The following CORIN variants were observed in gnomAD, a reference collection of about 807,000 sequenced individuals.
CORIN encodes the protein atrial natriuretic peptide-converting enzyme.
CORIN carries 117 observed loss-of-function variants against 125.3 expected under a neutral mutation model. The observed-to-expected ratio is 0.93, with a 90% confidence interval of 0.80 to 1.09. The LOEUF (loss-of-function observed/expected upper bound fraction) is 1.09, where lower values mean the gene tolerates loss of function less well. Ranked by LOEUF, CORIN falls within the 50% of genes least tolerant of loss-of-function variation. CORIN has a pLI of 0.00. For missense variants in CORIN, 1,253 were observed against 1,306.7 expected, an observed-to-expected ratio of 0.96 and a Z score of 0.63; for synonymous variants, 450 against 466.4, an observed-to-expected ratio of 0.96 and a Z score of 0.45.
intron 6 of CORIN, 81 bp downstream of exon 6, chr4:47,692,889 C>T (rs1426448837): frequency 9.7e-7 from 1 of 1,027,434 alleles, no homozygotes; most frequent in Non-Finnish European, 1.5e-6. Context: ...AAACAAAAAG[C>T]AGTCTACACA....
At chr4:47,706,516 C>G in intron 5 of CORIN, 5 of 1,611,518 alleles carry the variant, frequency 3.1e-6, no homozygotes, top group South Asian at 1.1e-5. Context: ...TGATAAAGCG[C>G]GCCAACTGGG....
intron 10 of CORIN, among the ~76,000 whole-genome samples, chr4:47,669,860 C>T (rs1177552787): frequency 1.3e-5 from 2 of 152,166 alleles, no homozygotes; most frequent in South Asian, 2.1e-4. Flanking sequence ...TGAGCCACCG[C>T]ACCCGGCTTC....
intron 5 of CORIN, among the ~76,000 whole-genome samples, chr4:47,731,675 C>T (rs577693999): frequency 6.6e-6 from 1 of 152,176 alleles, no homozygotes; most frequent in East Asian, 1.9e-4. Flanking sequence ...TCGAGACTAG[C>T]CTGGCCAACA....
intron 5 of CORIN, among the ~76,000 whole-genome samples, chr4:47,714,304 C>G (rs1726990588): frequency 6.6e-6 from 1 of 152,008 alleles, no homozygotes; most frequent in Admixed American, 6.5e-5. Flanking sequence ...GTGATTAACA[C>G]AAACCGAAAA....
chr4:47,824,483 T>A (rs908944393), intron 1 of CORIN, among the ~76,000 whole-genome samples: 3 of 152,104 alleles, frequency 2.0e-5, no homozygotes, highest in African/African-American at 7.2e-5. Context: ...AAAGCTTTTC[T>A]TTCTTTCTTT....
intron 16 of CORIN, among the ~76,000 whole-genome samples, chr4:47,635,624 G>C (rs1351870790): frequency 6.6e-6 from 1 of 152,128 alleles, no homozygotes; most frequent in Non-Finnish European, 1.5e-5. Context: ...AGGAAGGCAG[G>C]GGCCAAATTA....
intron 9 of CORIN, 108 bp from the exon 10 acceptor site, chr4:47,674,608 A>T (rs945210116): frequency 1.4e-6 from 1 of 717,480 alleles, no homozygotes; most frequent in Non-Finnish European, 2.5e-6. Context: ...ACACAACTTT[A>T]ATTTCCTTCC....
chr4:47,762,899 C>A (rs1011090715), intron 4 of CORIN, among the ~76,000 whole-genome samples: 12 of 152,128 alleles, frequency 7.9e-5, no homozygotes, highest in Non-Finnish European at 1.8e-4. Context: ...TAGCACCTGG[C>A]CTGTCCAAGA....
At chr4:47,653,520 A>G (rs759820882) in intron 13 of CORIN, 33 bp downstream of exon 13, 45 of 1,513,114 alleles carry the variant, frequency 3.0e-5, no homozygotes, top group Non-Finnish European at 3.5e-5. Context: ...TTATCACTGT[A>G]CATTCAAGAA....
At chr4:47,608,463 G>C (rs1035384129) in intron 19 of CORIN, among the ~76,000 whole-genome samples, 1 of 152,244 alleles carries the variant, frequency 6.6e-6, no homozygotes, top group Non-Finnish European at 1.5e-5. Context: ...CACATCTGAA[G>C]TGCAAAGAAC....
At chr4:47,711,199 A>G (rs1456791310) in intron 5 of CORIN, among the ~76,000 whole-genome samples, 1 of 152,144 alleles carries the variant, frequency 6.6e-6, no homozygotes, top group Non-Finnish European at 1.5e-5. Flanking sequence ...CACACCCACC[A>G]AAGTCCATCC....
At chr4:47,776,421 C>A (rs969657341) in intron 3 of CORIN, among the ~76,000 whole-genome samples, 2 of 152,060 alleles carry the variant, frequency 1.3e-5, no homozygotes, top group Admixed American at 6.6e-5. Flanking sequence ...CACACCCAAC[C>A]AGGTCTCCAT....
chr4:47,615,044 T>C (rs563981872), intron 19 of CORIN, among the ~76,000 whole-genome samples: 2 of 152,236 alleles, frequency 1.3e-5, no homozygotes, highest in African/African-American at 4.8e-5. Context: ...ACTTGAACAA[T>C]GAAAAGGAAG....
chr4:47,829,375 G>A (rs1284358943), intron 1 of CORIN, among the ~76,000 whole-genome samples: 1 of 152,066 alleles, frequency 6.6e-6, no homozygotes, highest in Non-Finnish European at 1.5e-5. Flanking sequence ...GACCCTTCTG[G>A]ACCTTCTGGA....
chr4:47,816,772 C>T (rs1205075472), intron 1 of CORIN, among the ~76,000 whole-genome samples: 1 of 152,126 alleles, frequency 6.6e-6, no homozygotes, highest in Non-Finnish European at 1.5e-5. Context: ...GACTCTCTCA[C>T]ATATTGCAGG....
At chr4:47,669,408 CATT>C (rs112030941) in intron 10 of CORIN, among the ~76,000 whole-genome samples, 6,852 of 151,972 alleles carry the variant, frequency 0.045, 390 homozygotes, top group African/African-American at 0.13. Flanking sequence ...CCCTCTTTAA[CATT>C]ATTATTTTTA....
At chr4:47,792,563 A>G (rs1731126645) in intron 2 of CORIN, among the ~76,000 whole-genome samples, 1 of 152,198 alleles carries the variant, frequency 6.6e-6, no homozygotes, top group Non-Finnish European at 1.5e-5. Context: ...TGGTTTGAAT[A>G]ATGTAGTAAA....
intron 19 of CORIN, among the ~76,000 whole-genome samples, chr4:47,613,468 A>C (rs1721946611): frequency 6.6e-6 from 1 of 152,150 alleles, no homozygotes; most frequent in African/African-American, 2.4e-5. Flanking sequence ...AAGAAAAAAA[A>C]CTCAGAGCTT....
intron 5 of CORIN, among the ~76,000 whole-genome samples, chr4:47,733,618 A>G (rs904665051): frequency 2.6e-5 from 4 of 152,214 alleles, no homozygotes; most frequent in Non-Finnish European, 5.9e-5. Flanking sequence ...CTTTCCATAT[A>G]TGATTACAGA....
Sources: gnomAD v4.1 joint callset for allele counts (sites outside exome capture counted in the v4.1 genomes callset) on GRCh38, gnomAD v4.1.1 for gene constraint, MANE v1.5 for transcripts, NCBI Gene and HGNC (gene_info 2026-07-23, HGNC 2026-07-21) for gene names.